Variants in NLGN1 observed in about 807,000 individuals in gnomAD.
NLGN1 encodes the protein neuroligin 1.
Under a neutral mutation model 65.5 loss-of-function variants are expected in NLGN1, and 12 were observed. The observed-to-expected ratio is 0.18, with a 90% CI of 0.12 to 0.30. The LOEUF is 0.30. NLGN1 is among the 10% of genes least tolerant of loss of function. The pLI, the probability that NLGN1 is intolerant of heterozygous loss-of-function variation, is 1.00. For synonymous variants in NLGN1, 350 were observed against 359.5 expected (o/e 0.97, Z 0.30); for missense variants, 750 against 1,007.1 (o/e 0.74, Z 3.46).
chr3:173,545,845 C>T (rs991731503), intron 2 of NLGN1, among the ~76,000 whole-genome samples: 4 of 151,814 alleles, frequency 2.6e-5, no homozygotes, highest in East Asian at 1.9e-4. Context: ...AACACAGGAA[C>T]GGAAAACCAA....
intron 3 of NLGN1, among the ~76,000 whole-genome samples, chr3:173,804,188 A>G (rs920470049): frequency 5.3e-5 from 8 of 152,050 alleles, no homozygotes; most frequent in Non-Finnish European, 1.2e-4. Flanking sequence ...GAAGAACTTG[A>G]TTTAAATGCT....
chr3:173,711,834 G>A (rs1769043742), intron 3 of NLGN1, among the ~76,000 whole-genome samples: 1 of 152,134 alleles, frequency 6.6e-6, no homozygotes, highest in Non-Finnish European at 1.5e-5. Flanking sequence ...TGGCAACAAG[G>A]CTGTCTGGAT....
At chr3:173,705,206 C>T (rs933322515) in intron 3 of NLGN1, among the ~76,000 whole-genome samples, 7 of 151,820 alleles carry the variant, frequency 4.6e-5, no homozygotes, top group African/African-American at 1.7e-4. Flanking sequence ...GACCTACATC[C>T]TGTGGCAAAC....
chr3:173,837,089 CATG>C (rs1339626850), intron 4 of NLGN1, among the ~76,000 whole-genome samples: 1 of 152,100 alleles, frequency 6.6e-6, no homozygotes, highest in Non-Finnish European at 1.5e-5. Context: ...TACATATTTA[CATG>C]ATGGACTGAT....
chr3:174,183,129 C>T (rs1730749486), intron 4 of NLGN1, among the ~76,000 whole-genome samples: 1 of 151,992 alleles, frequency 6.6e-6, no homozygotes, highest in African/African-American at 2.4e-5. Context: ...CTCTGCTTGT[C>T]ATAGGCCATT....
intron 4 of NLGN1, among the ~76,000 whole-genome samples, chr3:174,236,097 T>G (rs7630338): frequency 0.11 from 16,980 of 152,142 alleles, 1,687 homozygotes; most frequent in African/African-American, 0.26. Flanking sequence ...CAATAAGTCG[T>G]GATCAAATGA....
intron 4 of NLGN1, among the ~76,000 whole-genome samples, chr3:173,834,760 A>C (rs1306081332): frequency 1.3e-5 from 2 of 152,200 alleles, no homozygotes; most frequent in African/African-American, 4.8e-5. Flanking sequence ...TATCAAACTC[A>C]AGCCCACACA....
chr3:173,954,223 A>G (rs1390459908), intron 4 of NLGN1, among the ~76,000 whole-genome samples: 1 of 152,180 alleles, frequency 6.6e-6, no homozygotes, highest in Non-Finnish European at 1.5e-5. Flanking sequence ...AATAGCAATC[A>G]AGCCTGACCC....
At chr3:173,448,815 A>G (rs1720896707) in intron 2 of NLGN1, among the ~76,000 whole-genome samples, 1 of 152,142 alleles carries the variant, frequency 6.6e-6, no homozygotes, top group African/African-American at 2.4e-5. Flanking sequence ...CGAGGAATTT[A>G]TCCATTTCTT....
At chr3:173,810,187 A>T (rs1283579539) in intron 4 of NLGN1, among the ~76,000 whole-genome samples, 1 of 152,220 alleles carries the variant, frequency 6.6e-6, no homozygotes, top group Admixed American at 6.5e-5. Context: ...ATAAAAAAGA[A>T]ATTATCAGAA....
At chr3:173,540,565 A>T (rs1269454402) in intron 2 of NLGN1, among the ~76,000 whole-genome samples, 2 of 152,196 alleles carry the variant, frequency 1.3e-5, no homozygotes, top group Non-Finnish European at 2.9e-5. Flanking sequence ...TGTCATTTTC[A>T]GTAACAAGTC....
intron 2 of NLGN1, among the ~76,000 whole-genome samples, chr3:173,539,389 A>AT (rs1467747551): frequency 2.7e-5 from 4 of 146,798 alleles, no homozygotes; most frequent in South Asian, 4.3e-4. Context: ...TATATATATA[A>AT]AAAACATATA....
intron 3 of NLGN1, among the ~76,000 whole-genome samples, chr3:173,775,608 G>C (rs1161868525): frequency 6.6e-6 from 1 of 151,986 alleles, no homozygotes; most frequent in African/African-American, 2.4e-5. Flanking sequence ...CATTACTGAT[G>C]CCACATTGGC....
chr3:174,177,526 G>T, intron 4 of NLGN1, among the ~76,000 whole-genome samples: 1 of 151,942 alleles, frequency 6.6e-6, no homozygotes, highest in East Asian at 1.9e-4. Context: ...TAAAAGTGAA[G>T]GAATAACTAA....
At chr3:174,238,736 C>G (rs1389677427) in intron 4 of NLGN1, among the ~76,000 whole-genome samples, 1 of 152,158 alleles carries the variant, frequency 6.6e-6, no homozygotes, top group Non-Finnish European at 1.5e-5. Flanking sequence ...ATCCTTATGA[C>G]TTTGAACCCA....
In NLGN1 at chr3:173,895,108, T is replaced by C. The variant is rs139645697; in HGVS notation, c.646+87276T>C. On this transcript the variant is annotated intron_variant, in intron 4 of 6. Coordinates refer to ENST00000457714, the Ensembl canonical transcript of NLGN1. ...GGAGTTGTTGATCTAATAATTCAGT[T>C]TCTTGTAGTTGTACTACTGAGGAGA... Among the ~76,000 whole-genome samples the C allele has an allele frequency of 1.6e-3, 248 of 152,222 alleles. 1 individual carries two copies. The highest frequency in any genetic ancestry group is 5.6e-3 in the African/African-American group (234 of 41,542).
At chr3:174,189,052 G>C (rs1731914144) in intron 4 of NLGN1, among the ~76,000 whole-genome samples, 1 of 151,818 alleles carries the variant, frequency 6.6e-6, no homozygotes. Context: ...GATTAGAAAG[G>C]CACTTCAGAA....
chr3:173,695,461 T>C lies in NLGN1; in HGVS notation c.493+90370T>C, dbSNP rs538357114. 1.2e-4 allele frequency: 25 copies of C among 215,344 alleles called. No homozygotes were observed. In the Admixed American group the frequency reaches 1.2e-3, roughly 10 times the overall value. 13.3% of individuals were successfully genotyped at this position (215,344 alleles called of 1,614,324 possible). A position where few individuals can be genotyped will look rare whatever the true frequency, so the allele number is the denominator to read the frequency against. On this transcript the variant is annotated intron_variant, in intron 3 of 6. Coordinates refer to ENST00000457714, the Ensembl canonical transcript of NLGN1. ...AGGATATATATGTTCATACTTAGGA[T>C]TTTTTTTTCAATCCATTTATTCTGA... is the stretch of plus-strand genomic sequence containing the variant.
chr3:174,190,966 A>G (rs988682420), intron 4 of NLGN1, among the ~76,000 whole-genome samples: 2 of 151,974 alleles, frequency 1.3e-5, no homozygotes, highest in African/African-American at 4.8e-5. Flanking sequence ...GAGGTTTTAT[A>G]CTATTCTCTC....
Sources: gnomAD v4.1 joint callset for allele counts (sites outside exome capture counted in the v4.1 genomes callset) on GRCh38, gnomAD v4.1.1 for gene constraint, MANE v1.5 for transcripts, NCBI Gene and HGNC (gene_info 2026-07-23, HGNC 2026-07-21) for gene names.